The following RSRP1 variants were observed in gnomAD, a reference collection of about 807,000 sequenced individuals.
The protein encoded by RSRP1 is arginine/serine-rich protein 1.
Under a neutral mutation model 33.0 loss-of-function variants are expected in RSRP1, and 37 were observed. That is an observed-to-expected ratio of 1.12 (90% confidence interval 0.86 to 1.48). RSRP1 has a LOEUF of 1.48. Ranked by LOEUF, RSRP1 falls within the 40% of genes most tolerant of loss-of-function variation. The probability of loss-of-function intolerance (pLI) is 0.00; values close to 1 mark genes in which losing one functional copy is unlikely to be tolerated. For synonymous variants in RSRP1, 167 were observed against 158.7 expected, an observed-to-expected ratio of 1.05 and a Z score of -0.40; for missense variants, 402 against 385.3, an observed-to-expected ratio of 1.04 and a Z score of -0.36.
rs143825637 is a variant in RSRP1, at chr1:25,289,899, A to G, written c.-66-42870T>C. The stretch of plus-strand genomic sequence containing the variant: ...ACTCCTGAGCATGCTCATTGGTCAA[A>G]GGAAGGAAGGAATCATAATAGCGTT... On this transcript the variant is annotated intron_variant, in intron 1 of 1. Transcript: ENST00000561867. Among the ~76,000 whole-genome samples the G allele has an allele frequency of 5.4e-3, 697 of 130,204 alleles. 94 individuals are homozygous for G. Among genetic ancestry groups the G allele is most frequent in the African/African-American group, 0.015 (580 of 37,490 alleles). The allele number at this position is 130,204 out of a possible 152,430, so 85.4% of individuals were successfully genotyped here. A position where few individuals can be genotyped will look rare whatever the true frequency, so the allele number is the denominator to read the frequency against.
intron 2 of RSRP1, 36 bp downstream of exon 2, chr1:25,246,408 C>T: frequency 6.2e-7 from 1 of 1,600,858 alleles, no homozygotes; most frequent in South Asian, 1.1e-5. Context: ...TGCCACCATA[C>T]ATTACCACAA....
At chr1:25,310,175 A>G (rs1438623884) in intron 1 of RSRP1, among the ~76,000 whole-genome samples, 1 of 132,900 alleles carries the variant, frequency 7.5e-6, no homozygotes, top group African/African-American at 2.5e-5. Flanking sequence ...TTTGTACATT[A>G]TATATGTGAT....
chr1:25,258,807 C>T (rs1226660408), intron 1 of RSRP1, among the ~76,000 whole-genome samples: 1 of 152,076 alleles, frequency 6.6e-6, no homozygotes, highest in Non-Finnish European at 1.5e-5. Context: ...AAAAAAACTG[C>T]ATTTGTACTC....
chr1:25,245,242 T>C lies in RSRP1; in HGVS notation c.580A>G (p.Asn194Asp). The C allele has an allele frequency of 3.7e-6, 6 of 1,614,154 alleles. No individual in the cohort carries two copies. The highest frequency in any genetic ancestry group is 5.1e-6 in the Non-Finnish European group (6 of 1,180,030). Residue 194 changes from asparagine to aspartate, a missense_variant, in exon 3 of 5, where the codon AAC becomes GAC. Asn to Asp is a conservative substitution (Grantham distance 23). Transcript: ENST00000243189. Reference sequence around the variant, plus strand: ...CTGAGACTAGCTGGCAAGTCAATGTTGGTTGTTCCTAGAGCTTTCGCTGCA... The same window carrying C: ...CTGAGACTAGCTGGCAAGTCAATGTCGGTTGTTCCTAGAGCTTTCGCTGCA... ...TNAAKALGTT[N>D]IDLPASLRTV... is the part of the protein sequence containing the mutation.
rs1641016491 is a variant in RSRP1, at chr1:25,276,572, A to T, written c.-66-29543T>A. Among the ~76,000 whole-genome samples, 2 of 118,114 alleles carry T rather than the reference A, an allele frequency of 1.7e-5. 1 individual carries two copies. The allele number at this position is 118,114 out of a possible 152,430, so 77.5% of individuals were successfully genotyped here. A position where few individuals can be genotyped will look rare whatever the true frequency, so the allele number is the denominator to read the frequency against. On this transcript the variant is annotated intron_variant, in intron 1 of 1. Coordinates refer to the RSRP1 transcript ENST00000561867. ...AAAAAAAAACTTTAAAATTTAACCC[A>T]GTGTGGTGGCACATGCCTATAGTCC...
rs1422193135 is a variant in RSRP1 at position 25,267,734 on chromosome 1, C to A, written c.-66-20705G>T. 1.5e-5 allele frequency: 2 copies of A among 132,696 alleles called. 1 individual carries two copies. Among genetic ancestry groups the A allele is most frequent in the Non-Finnish European group, 3.6e-5 (2 of 55,910 alleles). 8.2% of individuals were successfully genotyped at this position (132,696 alleles called of 1,614,324 possible). On this transcript the variant is annotated intron_variant, in intron 1 of 1. Coordinates refer to the RSRP1 transcript ENST00000561867. ...GCCGACCCCAGTACTAGAAAACACT[C>A]GTCACCTCAATCAAGACGGGTACGA...
intron 1 of RSRP1, among the ~76,000 whole-genome samples, chr1:25,320,776 T>G (rs894095341): frequency 7.6e-6 from 1 of 132,058 alleles, no homozygotes; most frequent in African/African-American, 2.6e-5. Flanking sequence ...GCACAGTGGC[T>G]CACACCTGTA....
chr1:25,287,501 G>T (rs1366767745), intron 1 of RSRP1, among the ~76,000 whole-genome samples: 1 of 134,850 alleles, frequency 7.4e-6, no homozygotes, highest in Non-Finnish European at 1.8e-5. Flanking sequence ...CTGATGGGTG[G>T]TGCCCAGGCC....
intron 1 of RSRP1, among the ~76,000 whole-genome samples, chr1:25,305,374 ATATTTATT>A (rs34347122): frequency 0.36 from 38,534 of 106,602 alleles, 11,717 homozygotes; most frequent in African/African-American, 0.56. Context: ...AGGAGTCTGG[ATATTTATT>A]TATTTATTTA....
chr1:25,297,345 G>A (rs530418843), intron 1 of RSRP1, among the ~76,000 whole-genome samples: 1,233 of 97,256 alleles, frequency 0.013, 102 homozygotes, highest in African/African-American at 0.04. Flanking sequence ...CCCATTACTG[G>A]GTGTGTTAAC....
In RSRP1 at chr1:25,290,614, C is replaced by T; in HGVS notation, c.-66-43585G>A. 6.6e-6 allele frequency: 9 copies of T among 1,357,440 alleles called. 3 individuals are homozygous for T. The highest frequency in any genetic ancestry group is 9.4e-6 in the Non-Finnish European group (9 of 958,758). The allele number at this position is 1,357,440 out of a possible 1,614,324, so 84.1% of individuals were successfully genotyped here. A position where few individuals can be genotyped will look rare whatever the true frequency, so the allele number is the denominator to read the frequency against. ...GTGAGAGGCATCCTTCCTTCTCAGT[C>T]GTCCTGGCTCTCCCTCTCTCCCCCA... On this transcript the variant is annotated intron_variant, in intron 1 of 1. Coordinates refer to the RSRP1 transcript ENST00000561867.
In RSRP1 at chr1:25,313,186, G is replaced by C. The variant is rs1321957212; in HGVS notation, c.-67+24792C>G. Among the ~76,000 whole-genome samples the C allele has an allele frequency of 3.9e-5, 5 of 129,510 alleles. 2 individuals are homozygous for C. Among genetic ancestry groups the C allele is most frequent in the Non-Finnish European group, 9.1e-5 (5 of 54,888 alleles). 85.0% of individuals were successfully genotyped at this position (129,510 alleles called of 152,430 possible). On this transcript the variant is annotated intron_variant, in intron 1 of 1. Coordinates refer to the RSRP1 transcript ENST00000561867. The stretch of plus-strand genomic sequence containing the variant: ...AGACTGGTGGCTTACAAGAGGAAGA[G>C]AGAACTGAGCTGACATGCTCTTGCC...
At chr1:25,291,228 G>A (rs1448579393) in intron 1 of RSRP1, among the ~76,000 whole-genome samples, 5 of 130,660 alleles carry the variant, frequency 3.8e-5, no homozygotes, top group African/African-American at 1.3e-4. Flanking sequence ...CAGCACTTTG[G>A]GAGGCCAAGG....
intron 1 of RSRP1, among the ~76,000 whole-genome samples, chr1:25,275,871 G>C (rs648291): frequency 7.6e-6 from 1 of 131,794 alleles, no homozygotes; most frequent in African/African-American, 2.6e-5. Flanking sequence ...CAGCTTGTAC[G>C]AGGAGAAGTT....
intron 1 of RSRP1, among the ~76,000 whole-genome samples, chr1:25,255,134 G>A (rs1021505874): frequency 2.0e-5 from 3 of 152,118 alleles, no homozygotes; most frequent in African/African-American, 7.2e-5. Flanking sequence ...TTTAACTTCG[G>A]TGATGGCACA....
chr1:25,242,871 C>T (rs1638971650), intron 4 of RSRP1, among the ~76,000 whole-genome samples, 166 bp from the exon 5 acceptor site: 1 of 152,180 alleles, frequency 6.6e-6, no homozygotes, highest in Non-Finnish European at 1.5e-5. Context: ...CTGACACGGG[C>T]GGATCACGAG....
Position 25,316,618 on chromosome 1 carries a change from G to GA in RSRP1, c.-67+21359dup, listed in dbSNP as rs1171433774. 5.3e-3 allele frequency among the ~76,000 whole-genome samples: 215 copies of GA among 40,636 alleles called. 9 individuals carry two copies. Among genetic ancestry groups the GA allele is most frequent in the East Asian group, 0.011 (18 of 1,566 alleles). 26.7% of individuals were successfully genotyped at this position (40,636 alleles called of 152,430 possible). On this transcript the variant is annotated intron_variant, in intron 1 of 1. Coordinates refer to the RSRP1 transcript ENST00000561867. ...AGACTCCATCTCACAAACAAAAACA[G>GA]AAAAAAAAAAAAAAAAAAGAGAGAG...
chr1:25,337,748 T>C (rs983510351), intron 1 of RSRP1: 4 of 151,192 alleles, frequency 2.6e-5, no homozygotes, highest in African/African-American at 9.8e-5. Flanking sequence ...TGAGAAACCC[T>C]GCCTTAAACA....
upstream of RSRP1, among the ~76,000 whole-genome samples, chr1:25,250,865 C>T (rs909415358): frequency 1.8e-4 from 28 of 152,006 alleles, no homozygotes; most frequent in African/African-American, 9.7e-5. Context: ...AAAAATTAGC[C>T]GGGCGAGGTG....
Sources: gnomAD v4.1 joint callset for allele counts (sites outside exome capture counted in the v4.1 genomes callset) on GRCh38, gnomAD v4.1.1 for gene constraint, MANE v1.5 for transcripts, NCBI Gene and HGNC (gene_info 2026-07-23, HGNC 2026-07-21) for gene names.